The following TCF4 variants were observed in gnomAD, a reference collection of about 807,000 sequenced individuals.
TCF4 encodes transcription factor 4.
TCF4 carries 3 observed loss-of-function variants against 82.1 expected under a neutral mutation model. That is an observed-to-expected ratio of 0.04 (90% CI 0.02 to 0.09). The LOEUF (loss-of-function observed/expected upper bound fraction) is 0.09. TCF4 is among the 10% of genes least tolerant of loss of function. The pLI is 1.00. For synonymous variants in TCF4, 276 were observed against 309.6 expected, an observed-to-expected ratio of 0.89 and a Z score of 1.14; for missense variants, 518 against 852.7, an observed-to-expected ratio of 0.61 and a Z score of 4.89.
At chr18:55,504,855 CG>C (rs1377083308) in intron 3 of TCF4, among the ~76,000 whole-genome samples, 4 of 151,974 alleles carry the variant, frequency 2.6e-5, no homozygotes, top group Non-Finnish European at 5.9e-5. Flanking sequence ...GCAGAAAAAC[CG>C]TAATTCAAAT....
intron 3 of TCF4, among the ~76,000 whole-genome samples, chr18:55,531,454 A>G (rs1018314632): frequency 6.6e-6 from 1 of 152,208 alleles, no homozygotes; most frequent in African/African-American, 2.4e-5. Context: ...ATAAATCCCA[A>G]CAAAGATAGC....
intron 2 of TCF4, chr18:55,586,021 T>C: frequency 2.2e-6 from 3 of 1,359,832 alleles, no homozygotes; most frequent in Non-Finnish European, 2.9e-6. Context: ...ATGGAGAAAG[T>C]GCAACAAGCA....
At chr18:55,259,096 G>C (rs982867929) in intron 13 of TCF4, among the ~76,000 whole-genome samples, 59 of 152,308 alleles carry the variant, frequency 3.9e-4, no homozygotes, top group African/African-American at 1.4e-3. Context: ...AAGGAGCTGA[G>C]TTTACACTGG....
chr18:55,242,276 T>C (rs566821136), intron 15 of TCF4, among the ~76,000 whole-genome samples: 12 of 152,260 alleles, frequency 7.9e-5, no homozygotes, highest in East Asian at 1.9e-4. Flanking sequence ...TAAACTTCAA[T>C]AAGTTTGTTT....
intron 3 of TCF4, among the ~76,000 whole-genome samples, chr18:55,514,006 T>C (rs1302842256): frequency 6.6e-6 from 1 of 152,192 alleles, no homozygotes; most frequent in African/African-American, 2.4e-5. Context: ...CTATAATCTA[T>C]AAAGATAAGC....
chr18:55,310,555 C>T (rs180766382), intron 8 of TCF4, among the ~76,000 whole-genome samples: 197 of 152,328 alleles, frequency 1.3e-3, no homozygotes, highest in African/African-American at 4.0e-3. Context: ...TTCAAAATCA[C>T]TTCCGTATCA....
chr18:55,527,126 G>C (rs980384080), intron 3 of TCF4, among the ~76,000 whole-genome samples: 11 of 152,202 alleles, frequency 7.2e-5, no homozygotes, highest in African/African-American at 2.4e-4. Flanking sequence ...ACGCATCTGT[G>C]CTTCCCTCTG....
chr18:55,313,587 T>C (rs189083587), intron 8 of TCF4, among the ~76,000 whole-genome samples: 384 of 152,266 alleles, frequency 2.5e-3, no homozygotes, highest in Admixed American at 6.9e-3. Context: ...AGGGAAGGCA[T>C]TATTTATTCT....
At chr18:55,341,208 A>G (rs1170118530) in intron 8 of TCF4, among the ~76,000 whole-genome samples, 1 of 152,210 alleles carries the variant, frequency 6.6e-6, no homozygotes, top group Non-Finnish European at 1.5e-5. Context: ...AAGAACACAG[A>G]AACTTTAGAG....
intron 6 of TCF4, among the ~76,000 whole-genome samples, chr18:55,391,158 C>A (rs1243985065): frequency 6.6e-6 from 1 of 152,192 alleles, no homozygotes; most frequent in African/African-American, 2.4e-5. Flanking sequence ...ACCAGTCACT[C>A]TACACATGAC....
At chr18:55,408,334 T>G (rs1004518174) in intron 5 of TCF4, among the ~76,000 whole-genome samples, 2 of 152,166 alleles carry the variant, frequency 1.3e-5, no homozygotes, top group Non-Finnish European at 2.9e-5. Flanking sequence ...AATGAGCCTT[T>G]TGTTCCCTGG....
intron 8 of TCF4, among the ~76,000 whole-genome samples, chr18:55,346,821 CTG>C (rs1004248147): frequency 9.2e-5 from 14 of 152,186 alleles, no homozygotes; most frequent in African/African-American, 2.6e-4. Flanking sequence ...TGCTTTGTTT[CTG>C]TGTTTGATGA....
chr18:55,306,463 GT>G (rs1416771992), intron 8 of TCF4, among the ~76,000 whole-genome samples: 1 of 152,200 alleles, frequency 6.6e-6, no homozygotes, highest in Non-Finnish European at 1.5e-5. Context: ...GCAATGTTCA[GT>G]TTTAATTGAC....
chr18:55,531,745 G>A (rs2097065814), intron 3 of TCF4, among the ~76,000 whole-genome samples: 1 of 152,176 alleles, frequency 6.6e-6, no homozygotes, highest in Admixed American at 6.5e-5. Context: ...GTTATAAATT[G>A]TGCTTGGGTA....
chr18:55,493,769 T>C (rs572203184), intron 3 of TCF4, among the ~76,000 whole-genome samples: 1 of 152,290 alleles, frequency 6.6e-6, no homozygotes, highest in Admixed American at 6.5e-5. Context: ...AATGCCTTTG[T>C]CTCTCTGCAA....
intron 8 of TCF4, among the ~76,000 whole-genome samples, chr18:55,304,428 A>T (rs2069484939): frequency 6.6e-6 from 1 of 152,258 alleles, no homozygotes; most frequent in Non-Finnish European, 1.5e-5. Context: ...ATAGAATTAT[A>T]AATACAGTTT....
In TCF4 at chr18:55,309,094, T is replaced by TTTA. The variant is rs550139145; in HGVS notation, c.550-29441_550-29439dup. Among the ~76,000 whole-genome samples, 776 of 151,700 alleles carry TTTA rather than the reference T, an allele frequency of 5.1e-3. 1 individual carries two copies. Among genetic ancestry groups the TTTA allele is most frequent in the Non-Finnish European group, 8.4e-3 (568 of 67,938 alleles). On this transcript the variant is annotated intron_variant, in intron 8 of 19. Transcript: ENST00000354452. ...AATTCTCATTGACTGACATCATTTA[T>TTTA]TTATTATTATTATTATTATCATTAT...
chr18:55,510,440 G>A (rs2096813924), intron 3 of TCF4: 4 of 511,390 alleles, frequency 7.8e-6, no homozygotes, highest in Non-Finnish European at 3.1e-6. Context: ...CCTGAACCAT[G>A]CATTTCAACC....
At chr18:55,614,012 T>C (rs1425264108) in intron 2 of TCF4, among the ~76,000 whole-genome samples, 3 of 152,184 alleles carry the variant, frequency 2.0e-5, no homozygotes, top group Non-Finnish European at 4.4e-5. Context: ...TGGGCTCAAG[T>C]AATCCTCTGG....
Sources: gnomAD v4.1 joint callset for allele counts (sites outside exome capture counted in the v4.1 genomes callset) on GRCh38, gnomAD v4.1.1 for gene constraint, MANE v1.5 for transcripts, NCBI Gene and HGNC (gene_info 2026-07-23, HGNC 2026-07-21) for gene names.